Variants in SBNO2 observed in about 807,000 individuals in gnomAD.
The protein encoded by SBNO2 is strawberry notch homolog 2.
SBNO2 carries 89 observed loss-of-function variants against 146.3 expected under a neutral mutation model. The ratio of observed to expected loss-of-function variants is 0.61; its 90% CI spans 0.51 to 0.73. The LOEUF (loss-of-function observed/expected upper bound fraction) is 0.73. SBNO2 is among the 30% of genes least tolerant of loss of function. SBNO2 has a pLI of 0.00. For missense variants in SBNO2, 2,092 were observed against 2,003.7 expected (o/e 1.04, Z -0.84); for synonymous variants, 1,147 against 892.6 (o/e 1.29, Z -5.08).
chr19:1,131,947 G>A (rs779541452), intron 4 of SBNO2: 13 of 519,250 alleles, frequency 2.5e-5, no homozygotes, highest in Admixed American at 4.2e-5. Context: ...GGCGGGGTGG[G>A]GATTTTTTTA....
chr19:1,147,432 TGGGGGG>T lies in SBNO2; in HGVS notation c.168-18_168-13del. On this transcript the variant is annotated splice_polypyrimidine_tract_variant and intron_variant, in intron 3 of 31. Transcript: ENST00000361757. ...AGCTCATGAACGGGCTGGAGGGAGA[TGGGGGG>T]GGGGGAGGTGAGATGGGGTGCTCAA... The T allele has an allele frequency of 7.6e-6, 5 of 660,000 alleles. No homozygotes were observed. Among genetic ancestry groups the T allele is most frequent in the Non-Finnish European group, 1.1e-5 (5 of 442,320 alleles). The allele number at this position is 660,000 out of a possible 1,614,324, so 40.9% of individuals were successfully genotyped here.
At chr19:1,147,180 G>A (rs1159522284) in intron 4 of SBNO2, 129 bp downstream of exon 4, 12 of 627,620 alleles carry the variant, frequency 1.9e-5, no homozygotes, top group East Asian at 1.3e-4. Flanking sequence ...TAAACCCTGC[G>A]GCCGAGGGGC....
chr19:1,156,731 G>C (rs2080293017), intron 1 of SBNO2, among the ~76,000 whole-genome samples: 1 of 152,154 alleles, frequency 6.6e-6, no homozygotes, highest in Non-Finnish European at 1.5e-5. Flanking sequence ...GTCACGCTCT[G>C]TGAGAGACGC....
chr19:1,124,993 G>A (rs1204472090), intron 5 of SBNO2, among the ~76,000 whole-genome samples: 7 of 152,040 alleles, frequency 4.6e-5, no homozygotes, highest in Non-Finnish European at 8.8e-5. Flanking sequence ...ACTAGGGTCT[G>A]TGTGATTCTG....
chr19:1,118,922 G>T, intron 14 of SBNO2, 89 bp downstream of exon 14: 1 of 1,380,326 alleles, frequency 7.2e-7, no homozygotes, highest in Non-Finnish European at 9.8e-7. Flanking sequence ...GCCGTCACCT[G>T]ATGACGCCTG....
At position 1,122,479 on chromosome 19, in the gene SBNO2, C is replaced by T. The variant is rs2079912529; in HGVS notation, c.994G>A (p.Ala332Thr). The change falls in exon 10 of 32, where the codon GCG (alanine) becomes ACG (threonine). Residue 332 changes from alanine (A) to threonine (T), a missense_variant. Physicochemically the swap from Ala to Thr is moderately conservative, Grantham distance 58. Coordinates refer to ENST00000361757, the MANE Select transcript of SBNO2 (RefSeq NM_014963.3). ...DIEATGIAVH[A>T]LSKIKYGDTT... ...AGCACAGCCCCTACCTTGCTGAGCG[C>T]GTGCACCGCGATGCCCGTGGCTTCG... 3 of 1,572,474 alleles carry T rather than the reference C, an allele frequency of 1.9e-6. No homozygotes were observed. The highest frequency in any genetic ancestry group is 1.2e-5 in the South Asian group (1 of 86,132).
intron 1 of SBNO2, among the ~76,000 whole-genome samples, chr19:1,160,400 G>T (rs1463778542): frequency 6.6e-6 from 1 of 152,212 alleles, no homozygotes; most frequent in Non-Finnish European, 1.5e-5. Flanking sequence ...CTCACAGGAG[G>T]CCCAGTATTA....
In SBNO2 at chr19:1,108,966, G is replaced by C; in HGVS notation, c.3429C>G (p.Asn1143Lys). The change falls in exon 31 of 32, where the codon AAC becomes AAG. Residue 1143 changes from asparagine (N) to lysine (K), a missense_variant. Asn to Lys is a moderately conservative substitution (Grantham distance 94). Coordinates refer to ENST00000361757, the MANE Select transcript of SBNO2 (RefSeq NM_014963.3). ...CCTCCTGCGCCAGCCGGCAGTGCCG[G>C]TTCCTGCGGACGAGACGGGTCGTCT... Reference protein sequence around the residue: ...SLTHCSHSAWNRHCRLAQEGK... With the variant: ...SLTHCSHSAWKRHCRLAQEGK... 2 of 1,531,534 alleles carry C rather than the reference G, an allele frequency of 1.3e-6. No homozygotes were observed. Among genetic ancestry groups the C allele is most frequent in the Non-Finnish European group, 1.7e-6 (2 of 1,144,574 alleles). The allele number at this position is 1,531,534 out of a possible 1,614,324, so 94.9% of individuals were successfully genotyped here. A position where few individuals can be genotyped will look rare whatever the true frequency, so the allele number is the denominator to read the frequency against.
chr19:1,112,108 C>T lies in SBNO2; in HGVS notation c.2629-41G>A, dbSNP rs1189025514. 1.2e-6 allele frequency: 2 copies of T among 1,609,502 alleles called. No homozygotes were observed. The highest frequency in any genetic ancestry group is 8.5e-7 in the Non-Finnish European group (1 of 1,178,090). On this transcript the variant is annotated intron_variant, in intron 22 of 31. Coordinates refer to ENST00000361757, the MANE Select transcript of SBNO2 (RefSeq NM_014963.3). The surrounding 1 kb of genome is among the most constrained non-coding windows in gnomAD (Gnocchi z 5.9). ...AGGCCATCAGTTGGTCACCTGGGGTCTGGCCTCTAGCACCCCACAAAGCTT... is the reference window on the plus strand; with the variant it reads ...AGGCCATCAGTTGGTCACCTGGGGTTTGGCCTCTAGCACCCCACAAAGCTT...
At chr19:1,152,315 G>C (rs1053408827) in intron 2 of SBNO2, among the ~76,000 whole-genome samples, 4 of 152,190 alleles carry the variant, frequency 2.6e-5, no homozygotes, top group Non-Finnish European at 4.4e-5. Flanking sequence ...CCCCACCGTA[G>C]AGCCTCTGGG....
intron 2 of SBNO2, among the ~76,000 whole-genome samples, chr19:1,153,400 G>A (rs2080260461): frequency 6.6e-6 from 1 of 151,036 alleles, no homozygotes; most frequent in Admixed American, 6.6e-5. Context: ...ACCACGCCAG[G>A]CTAATTTTTT....
In SBNO2 at chr19:1,150,590, C is replaced by T. The variant is rs571494867; in HGVS notation, c.94-1148G>A. Among the ~76,000 whole-genome samples, 6 of 152,002 alleles carry T rather than the reference C, an allele frequency of 3.9e-5. No homozygotes were observed. The highest frequency in any genetic ancestry group is 2.1e-4 in the South Asian group (1 of 4,822). Reference sequence around the variant, plus strand: ...TGGTCATGGGGGAGACACCACCAGCCGGGGGCATCATCCTGCTTATCCCAG... The same window carrying T: ...TGGTCATGGGGGAGACACCACCAGCTGGGGGCATCATCCTGCTTATCCCAG... On this transcript the variant is annotated intron_variant, in intron 2 of 31. Coordinates refer to ENST00000361757, the MANE Select transcript of SBNO2 (RefSeq NM_014963.3). This position sits in a 1 kb window ranked among gnomAD's most constrained non-coding sequence, Gnocchi z 6.2.
rs557541734 is a variant in SBNO2 at position 1,171,546 on chromosome 19, T to TG, written c.-127+2625dup. Among the ~76,000 whole-genome samples the TG allele has an allele frequency of 5.9e-3, 891 of 152,180 alleles. 5 individuals are homozygous for TG. The highest frequency in any genetic ancestry group is 0.031 in the Middle Eastern group (9 of 294). On this transcript the variant is annotated intron_variant, in intron 1 of 31. Coordinates refer to ENST00000361757, the MANE Select transcript of SBNO2 (RefSeq NM_014963.3). Reference sequence around the variant, plus strand: ...CCAGAGCTGATCCCACCCCCCAGCATGGGGGCCCCCTGGGAGGGGGCCTCT... The same window carrying TG: ...CCAGAGCTGATCCCACCCCCCAGCATGGGGGGCCCCCTGGGAGGGGGCCTCT...
At position 1,112,836 on chromosome 19, in the gene SBNO2, G is replaced by A. The variant is rs1158238903; in HGVS notation, c.2361C>T (p.Arg787=). The change falls in exon 20 of 32, where the codon CGC becomes CGT. Residue 787 remains arginine (R), a synonymous_variant. Coordinates refer to ENST00000361757, the MANE Select transcript of SBNO2 (RefSeq NM_014963.3). This position sits in a 1 kb window ranked among gnomAD's most constrained non-coding sequence, Gnocchi z 5.9. ...IDHVNLREKQ[R]FMSGEKLVAI... The stretch of plus-strand genomic sequence containing the variant: ...CCCGCACCTTCTCGCCGCTCATGAA[G>A]CGCTGCTTCTCCCTGAGGTTCACGT... 1.9e-6 allele frequency: 3 copies of A among 1,574,752 alleles called. No individual in the cohort carries two copies. The highest frequency in any genetic ancestry group is 2.3e-5 in the South Asian group (2 of 85,818).
chr19:1,165,144 G>C lies in SBNO2; in HGVS notation c.-127+9028C>G, dbSNP rs552740365. Among the ~76,000 whole-genome samples, 192 of 152,118 alleles carry C rather than the reference G, an allele frequency of 1.3e-3. 2 individuals are homozygous for C. The highest frequency in any genetic ancestry group is 2.1e-3 in the Non-Finnish European group (140 of 67,994). On this transcript the variant is annotated intron_variant, in intron 1 of 31. Transcript: ENST00000361757. ...CCCTGCGCAGCAGCCCCCGCCATGCGAGGGAGGACCCGGAGTTGAGCGTGG... is the reference window on the plus strand; with the variant it reads ...CCCTGCGCAGCAGCCCCCGCCATGCCAGGGAGGACCCGGAGTTGAGCGTGG...
intron 4 of SBNO2, among the ~76,000 whole-genome samples, chr19:1,146,659 G>C (rs1183269771): frequency 6.6e-6 from 1 of 151,070 alleles, no homozygotes; most frequent in Non-Finnish European, 1.5e-5. Flanking sequence ...TGTGGCACTG[G>C]GTGCTCCAGA....
intron 1 of SBNO2, among the ~76,000 whole-genome samples, chr19:1,160,240 C>T (rs1237531884): frequency 6.6e-6 from 1 of 152,188 alleles, no homozygotes; most frequent in African/African-American, 2.4e-5. Flanking sequence ...ATCCCTGCAG[C>T]CCGGCTGGGG....
chr19:1,140,643 AG>A lies in SBNO2; in HGVS notation c.279+6665del, dbSNP rs921420682. 6.6e-6 allele frequency among the ~76,000 whole-genome samples: 1 copy of A among 151,872 alleles called. No homozygotes were observed. The highest frequency in any genetic ancestry group is 1.5e-5 in the Non-Finnish European group (1 of 67,932). ...CCAGGGAGCAGGCAGAGAGCGGGGA[AG>A]GGGTGGGGGTCCCACACAGACCCAG... On this transcript the variant is annotated intron_variant, in intron 4 of 31. Coordinates refer to ENST00000361757, the MANE Select transcript of SBNO2 (RefSeq NM_014963.3). This position sits in a 1 kb window ranked among gnomAD's most constrained non-coding sequence, Gnocchi z 4.4.
chr19:1,122,438 G>C (rs755817112), intron 10 of SBNO2, 30 bp downstream of exon 10: 1 of 1,554,508 alleles, frequency 6.4e-7, no homozygotes, highest in East Asian at 2.4e-5. Flanking sequence ...TCCCCACCTT[G>C]CCCCCTACTT....
Sources: allele counts gnomAD v4.1 joint callset (sites outside exome capture counted in the v4.1 genomes callset), GRCh38; gene constraint gnomAD v4.1.1; non-coding constraint Gnocchi (gnomAD v3.1); transcripts MANE v1.5; gene names NCBI Gene and HGNC (gene_info 2026-07-23, HGNC 2026-07-21).